Variants in ZNF654 observed in about 807,000 individuals in gnomAD.
ZNF654 encodes melanoma-associated antigen.
ZNF654 carries 19 observed loss-of-function variants against 95.3 expected under a neutral mutation model. The ratio of observed to expected loss-of-function variants is 0.20; its 90% CI spans 0.14 to 0.29. The LOEUF is 0.29. ZNF654 is among the 10% of genes least tolerant of loss of function. ZNF654 has a pLI of 1.00. For missense variants in ZNF654, 1,046 were observed against 1,341.0 expected, an observed-to-expected ratio of 0.78 and a Z score of 3.44; for synonymous variants, 413 against 457.9, an observed-to-expected ratio of 0.90 and a Z score of 1.25.
At chr3:88,064,387 C>A (rs751728265) in intron 1 of ZNF654, among the ~76,000 whole-genome samples, 4 of 152,116 alleles carry the variant, frequency 2.6e-5, no homozygotes, top group Non-Finnish European at 5.9e-5. Context: ...TTTTGTTTAT[C>A]CCTTTCCTTC....
At chr3:88,101,724 T>A (rs922051363) in intron 2 of ZNF654, among the ~76,000 whole-genome samples, 4 of 152,174 alleles carry the variant, frequency 2.6e-5, no homozygotes, top group Non-Finnish European at 5.9e-5. Flanking sequence ...GATTAGTTTA[T>A]GTTTAGCGTT....
intron 1 of ZNF654, among the ~76,000 whole-genome samples, chr3:88,077,422 C>T (rs1290693711): frequency 4.6e-5 from 7 of 151,834 alleles, no homozygotes; most frequent in East Asian, 1.9e-4. Flanking sequence ...CAAGCTCCGC[C>T]GCCGGGTTCA....
chr3:88,096,716 AT>A (rs1367987759), intron 2 of ZNF654, among the ~76,000 whole-genome samples: 1 of 151,968 alleles, frequency 6.6e-6, no homozygotes, highest in African/African-American at 2.4e-5. Flanking sequence ...ATCACTTTTA[AT>A]TTTTGAGTAG....
chr3:88,097,104 T>C (rs773951006), intron 2 of ZNF654, among the ~76,000 whole-genome samples: 2 of 152,148 alleles, frequency 1.3e-5, no homozygotes, highest in Non-Finnish European at 2.9e-5. Context: ...AATCTTTTGC[T>C]GTTATCAACA....
rs550866569 is a variant in ZNF654, at chr3:88,111,354, G to T, written c.333-1761G>T. Among the ~76,000 whole-genome samples, 93 of 151,942 alleles carry T rather than the reference G, an allele frequency of 6.1e-4. 1 individual carries two copies. Among genetic ancestry groups the T allele is most frequent in the African/African-American group, 2.2e-3 (91 of 41,504 alleles). ...AGTTGCTTTGTTGGATATCCTGCTA[G>T]ATAGTCTGACAATGTATAAACTTTA... On this transcript the variant is annotated intron_variant, in intron 2 of 8. Coordinates refer to ENST00000636215, the MANE Select transcript of ZNF654 (RefSeq NM_001350134.2).
At chr3:88,112,815 T>C (rs1372066189) in intron 2 of ZNF654, among the ~76,000 whole-genome samples, 1 of 152,028 alleles carries the variant, frequency 6.6e-6, no homozygotes, top group Non-Finnish European at 1.5e-5. Flanking sequence ...ATAGCTATCA[T>C]TGTTGTGACC....
At chr3:88,065,670 A>G (rs1427818395) in intron 1 of ZNF654, among the ~76,000 whole-genome samples, 1 of 152,082 alleles carries the variant, frequency 6.6e-6, no homozygotes, top group Admixed American at 6.6e-5. Context: ...TCAAAGAAAA[A>G]ATAAAGTATA....
At chr3:88,074,721 T>G (rs1311386603) in intron 1 of ZNF654, among the ~76,000 whole-genome samples, 3 of 152,182 alleles carry the variant, frequency 2.0e-5, no homozygotes, top group Non-Finnish European at 4.4e-5. Context: ...CCATTAAATT[T>G]AGAAATATAC....
At chr3:88,077,403 G>A (rs376724273) in intron 1 of ZNF654, among the ~76,000 whole-genome samples, 3 of 149,598 alleles carry the variant, frequency 2.0e-5, no homozygotes, top group East Asian at 3.9e-4. Flanking sequence ...GCGCGATCTC[G>A]GCTCACTGCA....
intron 2 of ZNF654, among the ~76,000 whole-genome samples, chr3:88,111,970 C>G (rs1393860307): frequency 1.3e-5 from 2 of 151,862 alleles, no homozygotes; most frequent in South Asian, 4.1e-4. Context: ...GAAATATTCT[C>G]TTGCAGTTTT....
intron 1 of ZNF654, 103 bp from the exon 2 acceptor site, chr3:88,086,154 C>A: frequency 9.5e-7 from 1 of 1,048,532 alleles, no homozygotes; most frequent in Non-Finnish European, 1.4e-6. Flanking sequence ...TGTGTTCATG[C>A]CGATCTAATA....
chr3:88,126,127 C>G lies in ZNF654; in HGVS notation c.415-7C>G. ...TTCACAGAGCCAAAATGATTTTTCT[C>G]TCCTAGGAATGCCAGAATCACCTCC... On this transcript the variant is annotated splice_polypyrimidine_tract_variant and splice_region_variant and intron_variant, in intron 3 of 8. Transcript: ENST00000636215. 1.3e-6 allele frequency: 2 copies of G among 1,493,674 alleles called. No individual in the cohort carries two copies. Among genetic ancestry groups the G allele is most frequent in the Non-Finnish European group, 1.8e-6 (2 of 1,124,656 alleles). 92.5% of individuals were successfully genotyped at this position (1,493,674 alleles called of 1,614,324 possible).
intron 1 of ZNF654, 126 bp downstream of exon 1, chr3:88,059,631 G>A (rs774671844): frequency 2.0e-4 from 266 of 1,351,372 alleles, no homozygotes; most frequent in Non-Finnish European, 2.5e-4. Context: ...GGAGGGTGAG[G>A]CTGAAGCTCC....
chr3:88,060,644 T>C (rs1410227763), intron 1 of ZNF654, among the ~76,000 whole-genome samples: 1 of 152,142 alleles, frequency 6.6e-6, no homozygotes, highest in Non-Finnish European at 1.5e-5. Context: ...AGAGGAGTAA[T>C]AGTTAAATAA....
chr3:88,138,804 A>G lies in ZNF654; in HGVS notation c.1135A>G (p.Thr379Ala). The G allele has an allele frequency of 1.6e-6, 2 of 1,232,086 alleles. No individual in the cohort carries two copies. The highest frequency in any genetic ancestry group is 2.0e-6 in the Non-Finnish European group (2 of 987,918). 76.3% of individuals were successfully genotyped at this position (1,232,086 alleles called of 1,614,324 possible). A position where few individuals can be genotyped will look rare whatever the true frequency, so the allele number is the denominator to read the frequency against. ...DPKTKCLIYK[T>A]IAHFLPNDLE... Reference sequence around the variant, plus strand: ...CAAAACTAAATGTCTAATTTATAAAACAATTGCACATTTTTTGCCAAATGA... The same window carrying G: ...CAAAACTAAATGTCTAATTTATAAAGCAATTGCACATTTTTTGCCAAATGA... The change falls in exon 8 of 9, where the codon ACA (threonine) becomes GCA (alanine). Residue 379 changes from threonine to alanine, a missense_variant. Coordinates refer to ENST00000636215, the MANE Select transcript of ZNF654 (RefSeq NM_001350134.2).
chr3:88,105,332 AC>A (rs1446732146), intron 2 of ZNF654, among the ~76,000 whole-genome samples: 3 of 152,174 alleles, frequency 2.0e-5, no homozygotes, highest in Non-Finnish European at 4.4e-5. Context: ...CCACAGTGAT[AC>A]AGACTATTCC....
At chr3:88,125,288 A>G (rs1315788405) in intron 3 of ZNF654, among the ~76,000 whole-genome samples, 1 of 152,100 alleles carries the variant, frequency 6.6e-6, no homozygotes, top group African/African-American at 2.4e-5. Flanking sequence ...AGCATAATCA[A>G]ACTATACAGA....
chr3:88,081,440 T>C (rs927509923), intron 1 of ZNF654, among the ~76,000 whole-genome samples: 4 of 152,200 alleles, frequency 2.6e-5, no homozygotes, highest in Non-Finnish European at 4.4e-5. Context: ...GCATGGATGT[T>C]GTCTGCAACA....
chr3:88,129,794 A>C lies in ZNF654; in HGVS notation c.861A>C (p.Pro287=). The C allele has an allele frequency of 6.6e-7, 1 of 1,526,096 alleles. No homozygotes were observed. The highest frequency in any genetic ancestry group is 8.8e-7 in the Non-Finnish European group (1 of 1,140,198). 94.5% of individuals were successfully genotyped at this position (1,526,096 alleles called of 1,614,324 possible). A position where few individuals can be genotyped will look rare whatever the true frequency, so the allele number is the denominator to read the frequency against. The change falls in exon 6 of 9, where the codon CCA becomes CCC. Residue 287 remains proline, a synonymous_variant. Transcript: ENST00000636215. The stretch of plus-strand genomic sequence containing the variant: ...AACTCTGTGAATCCTTTCTTATTCC[A>C]CAGCTCCAGAATGGGGATATGTACT... ...ALQLCESFLI[P]QLQNGDMYCI...
Sources: allele counts gnomAD v4.1 joint callset (sites outside exome capture counted in the v4.1 genomes callset), GRCh38; gene constraint gnomAD v4.1.1; transcripts MANE v1.5; gene names NCBI Gene and HGNC (gene_info 2026-07-23, HGNC 2026-07-21).